PLCH1: variants seen among roughly 807,000 people sequenced by gnomAD.
The protein encoded by PLCH1 is 1-phosphatidylinositol 4,5-bisphosphate phosphodiesterase eta-1.
PLCH1 carries 60 observed loss-of-function variants against 126.7 expected under a neutral mutation model. The observed-to-expected ratio is 0.47, with a 90% CI of 0.38 to 0.59. The LOEUF (loss-of-function observed/expected upper bound fraction) is 0.59, where lower values mean the gene tolerates loss of function less well. PLCH1 is among the 20% of genes least tolerant of loss of function. PLCH1 has a pLI of 0.00. For missense variants in PLCH1, 1,723 were observed against 2,040.0 expected (o/e 0.84, Z 2.99); for synonymous variants, 719 against 734.9 (o/e 0.98, Z 0.35).
chr3:155,482,196 G>C lies in PLCH1; in HGVS notation c.3830C>G (p.Thr1277Ser). 1 of 1,614,180 alleles carries C rather than the reference G, an allele frequency of 6.2e-7. No individual in the cohort carries two copies. The highest frequency in any genetic ancestry group is 8.5e-7 in the Non-Finnish European group (1 of 1,180,018). Reference protein sequence around the residue: ...YETTCTPISKTKPDDDLSSKA... With the variant: ...YETTCTPISKSKPDDDLSSKA... ...ACTAGAAAGGTCATCATCTGGTTTG[G>C]TTTTAGAGATGGGAGTGCAGGTAGT... The change falls in exon 23 of 23, where the codon ACC (threonine) becomes AGC (serine). Residue 1277 changes from threonine (T) to serine (S), a missense_variant. Physicochemically the swap from Thr to Ser is moderately conservative, Grantham distance 58. Coordinates refer to ENST00000460012, the MANE Select transcript of PLCH1 (RefSeq NM_014996.4).
At chr3:155,497,592 C>T (rs915533802) in intron 14 of PLCH1, among the ~76,000 whole-genome samples, 175 bp from the exon 15 acceptor site, 7 of 152,212 alleles carry the variant, frequency 4.6e-5, no homozygotes, top group African/African-American at 1.7e-4. Context: ...CTCTTTCCAC[C>T]ACAAAATCCT....
intron 2 of PLCH1, among the ~76,000 whole-genome samples, chr3:155,628,356 GAAAAAAA>G (rs34200511): frequency 7.1e-5 from 7 of 98,158 alleles, no homozygotes; most frequent in African/African-American, 3.0e-4. Flanking sequence ...CTATGCCCAG[GAAAAAAA>G]AAAAAAAAAA....
rs566007015 is a variant in PLCH1 at position 155,540,799 on chromosome 3, G to A, written c.1362+8988C>T. ...ACACTTTTACACTGCTGGAGGGAATGGAAACTAGTACAACCATTATGGAAA... is the reference window on the plus strand; with the variant it reads ...ACACTTTTACACTGCTGGAGGGAATAGAAACTAGTACAACCATTATGGAAA... On this transcript the variant is annotated intron_variant, in intron 10 of 22. Transcript: ENST00000460012. Among the ~76,000 whole-genome samples the A allele has an allele frequency of 1.4e-3, 219 of 152,118 alleles. 8 individuals are homozygous for A. The South Asian group carries it at 0.043, about 30-fold the overall frequency.
intron 2 of PLCH1, among the ~76,000 whole-genome samples, chr3:155,625,984 C>G (rs1205428761): frequency 6.6e-6 from 1 of 152,158 alleles, no homozygotes; most frequent in Non-Finnish European, 1.5e-5. Flanking sequence ...ACCCAAATGC[C>G]CATCAGTGAT....
At chr3:155,567,461 A>G (rs1384492890) in intron 7 of PLCH1, among the ~76,000 whole-genome samples, 1 of 152,154 alleles carries the variant, frequency 6.6e-6, no homozygotes, top group Non-Finnish European at 1.5e-5. Flanking sequence ...CCTTGTTCAC[A>G]CTGATCTGGG....
At chr3:155,551,993 C>T (rs910386052) in intron 9 of PLCH1, among the ~76,000 whole-genome samples, 1 of 152,146 alleles carries the variant, frequency 6.6e-6, no homozygotes, top group East Asian at 1.9e-4. Context: ...TGGCTAGGAC[C>T]TGTAGAAATC....
chr3:155,629,289 A>T (rs1737743133), intron 2 of PLCH1, among the ~76,000 whole-genome samples: 2 of 152,130 alleles, frequency 1.3e-5, no homozygotes, highest in South Asian at 4.1e-4. Context: ...CTGCTTCCAA[A>T]TGTTGAAGGA....
At chr3:155,464,230 A>C (rs1219475987) in intron 21 of PLCH1, among the ~76,000 whole-genome samples, 1 of 152,212 alleles carries the variant, frequency 6.6e-6, no homozygotes, top group Non-Finnish European at 1.5e-5. Context: ...CATTGGGCAA[A>C]AGAGGAAAGG....
intron 21 of PLCH1, among the ~76,000 whole-genome samples, chr3:155,465,797 G>A (rs1020234179): frequency 5.3e-5 from 8 of 152,072 alleles, no homozygotes; most frequent in African/African-American, 1.7e-4. Context: ...ATAACAAACT[G>A]ACTTAAGAGA....
chr3:155,560,084 A>G (rs1324276540), intron 8 of PLCH1, among the ~76,000 whole-genome samples: 2 of 152,232 alleles, frequency 1.3e-5, no homozygotes, highest in African/African-American at 2.4e-5. Context: ...AAGCCTAGGT[A>G]TCTGAAAGAA....
intron 4 of PLCH1, 54 bp downstream of exon 4, chr3:155,593,887 C>T: frequency 6.4e-7 from 1 of 1,554,660 alleles, no homozygotes; most frequent in South Asian, 1.2e-5. Flanking sequence ...CAAATGCACA[C>T]ACGCATACAC....
chr3:155,629,987 C>T (rs968685983), intron 2 of PLCH1, among the ~76,000 whole-genome samples: 6 of 152,206 alleles, frequency 3.9e-5, no homozygotes, highest in African/African-American at 1.4e-4. Context: ...CTAAAGCAGC[C>T]TCCTAGTTAA....
intron 19 of PLCH1, among the ~76,000 whole-genome samples, chr3:155,489,064 T>C (rs1295937526): frequency 6.6e-6 from 1 of 152,236 alleles, no homozygotes; most frequent in Non-Finnish European, 1.5e-5. Context: ...AACTGTATTG[T>C]AGAGAAGCTC....
intron 14 of PLCH1, 54 bp from the exon 15 acceptor site, chr3:155,497,471 G>A: frequency 8.0e-7 from 1 of 1,242,532 alleles, no homozygotes; most frequent in Non-Finnish European, 1.2e-6. Context: ...AGAGGTTTGG[G>A]TTCTTGGTTA....
At chr3:155,618,443 G>A (rs1736056333) in intron 2 of PLCH1, among the ~76,000 whole-genome samples, 2 of 152,110 alleles carry the variant, frequency 1.3e-5, no homozygotes, top group Admixed American at 6.6e-5. Context: ...CTCCTCTTCT[G>A]TAACTAAGAC....
At position 155,732,502 on chromosome 3, in the gene PLCH1, C is replaced by T. The variant is rs111347630; in HGVS notation, c.-41+12338G>A. On this transcript the variant is annotated intron_variant, in intron 1 of 22. Coordinates refer to ENST00000460012, the MANE Select transcript of PLCH1 (RefSeq NM_014996.4). ...GAGATCAAGACCATCCTGGCTAACA[C>T]AGTGAAACCCAGTCTGGAAAAAAAA... 1.3e-3 allele frequency among the ~76,000 whole-genome samples: 186 copies of T among 147,866 alleles called. 2 individuals carry two copies. The highest frequency in any genetic ancestry group is 3.7e-3 in the African/African-American group (147 of 40,034).
At chr3:155,660,529 A>G (rs1742011122) in intron 2 of PLCH1, among the ~76,000 whole-genome samples, 1 of 152,234 alleles carries the variant, frequency 6.6e-6, no homozygotes, top group African/African-American at 2.4e-5. Flanking sequence ...AAAGGCAGAC[A>G]GCACCATTTT....
intron 21 of PLCH1, chr3:155,486,966 A>C (rs974441199): frequency 2.0e-5 from 3 of 152,204 alleles, no homozygotes; most frequent in Non-Finnish European, 2.9e-5. Context: ...CTTAGATGAG[A>C]GGCAAGACCC....
chr3:155,582,485 T>C (rs949271916), intron 6 of PLCH1, among the ~76,000 whole-genome samples: 7 of 152,176 alleles, frequency 4.6e-5, no homozygotes, highest in African/African-American at 1.7e-4. Context: ...AAAGCCTTTA[T>C]TAAAAAATTG....
Sources: gnomAD v4.1 joint callset for allele counts (sites outside exome capture counted in the v4.1 genomes callset) on GRCh38, gnomAD v4.1.1 for gene constraint, MANE v1.5 for transcripts, NCBI Gene and HGNC (gene_info 2026-07-23, HGNC 2026-07-21) for gene names.